Variants in ZRANB3 observed in about 807,000 individuals in gnomAD.
ZRANB3 encodes the protein DNA annealing helicase and endonuclease ZRANB3.
ZRANB3 carries 125 observed loss-of-function variants against 133.8 expected under a neutral mutation model. The ratio of observed to expected loss-of-function variants is 0.93; its 90% CI spans 0.81 to 1.08. The LOEUF (loss-of-function observed/expected upper bound fraction) is 1.08, where lower values mean the gene tolerates loss of function less well. Ranked by LOEUF, ZRANB3 falls within the 50% of genes least tolerant of loss-of-function variation. The probability of loss-of-function intolerance (pLI) is 0.00; values close to 1 mark genes in which losing one functional copy is unlikely to be tolerated. For missense variants in ZRANB3, 1,229 were observed against 1,275.5 expected, an observed-to-expected ratio of 0.96 and a Z score of 0.56; for synonymous variants, 387 against 432.7, an observed-to-expected ratio of 0.89 and a Z score of 1.31.
rs1453818035 is a variant in ZRANB3, at chr2:135,230,851, C to T, written c.1616G>A (p.Cys539Tyr). 5.6e-6 allele frequency: 9 copies of T among 1,609,688 alleles called. 1 individual carries two copies. In the Admixed American group the frequency reaches 1.5e-4, roughly 27 times the overall value. ...CTCCCGGAATCTCTTTGATTCGTCA[C>T]AGGAGGTCATCAACTGTCTTTTTTT... ...QPKKRQLMTSCDESKRFREEN... is the reference protein window; with the variant it reads ...QPKKRQLMTSYDESKRFREEN... Residue 539 changes from cysteine to tyrosine, a missense_variant, in exon 13 of 21, where the codon TGT (cysteine) becomes TAT (tyrosine). Coordinates refer to ENST00000264159, the MANE Select transcript of ZRANB3 (RefSeq NM_032143.4).
chr2:135,217,798 G>A (rs2105051555), intron 16 of ZRANB3, among the ~76,000 whole-genome samples, 191 bp from the exon 17 acceptor site: 1 of 152,202 alleles, frequency 6.6e-6, no homozygotes, highest in East Asian at 1.9e-4. Flanking sequence ...ACCTACAGCA[G>A]TTCTCAAGAG....
At chr2:135,369,473 G>A (rs1686074427) in intron 3 of ZRANB3, among the ~76,000 whole-genome samples, 2 of 152,124 alleles carry the variant, frequency 1.3e-5, no homozygotes, top group Non-Finnish European at 2.9e-5. Flanking sequence ...AACCACTGAT[G>A]AGTAAAATTA....
chr2:135,499,778 A>G (rs940971421), intron 2 of ZRANB3, among the ~76,000 whole-genome samples: 4 of 152,334 alleles, frequency 2.6e-5, no homozygotes, highest in African/African-American at 9.6e-5. Flanking sequence ...GTGAAATTAC[A>G]TTGGAAAATG....
At chr2:135,361,841 A>G (rs1307903116) in intron 3 of ZRANB3, among the ~76,000 whole-genome samples, 1 of 152,198 alleles carries the variant, frequency 6.6e-6, no homozygotes, top group Non-Finnish European at 1.5e-5. Flanking sequence ...TTGTTCTTGT[A>G]CATTGTTAGT....
intron 2 of ZRANB3, among the ~76,000 whole-genome samples, chr2:135,473,844 T>A (rs1037171168): frequency 6.6e-6 from 1 of 152,132 alleles, no homozygotes; most frequent in Non-Finnish European, 1.5e-5. Flanking sequence ...TATAAAAATA[T>A]CACTTTTTAT....
chr2:135,361,132 A>T (rs1241881230), intron 3 of ZRANB3, among the ~76,000 whole-genome samples: 1 of 152,242 alleles, frequency 6.6e-6, no homozygotes, highest in African/African-American at 2.4e-5. Context: ...CAATTATAAA[A>T]GCAACAACAC....
chr2:135,236,696 C>T (rs917575479), intron 12 of ZRANB3, among the ~76,000 whole-genome samples: 7 of 152,060 alleles, frequency 4.6e-5, no homozygotes, highest in African/African-American at 1.4e-4. Flanking sequence ...GGAAAGGATT[C>T]CCTATTTAAT....
At chr2:135,316,967 GAA>G (rs36092486) in intron 6 of ZRANB3, among the ~76,000 whole-genome samples, 4,815 of 98,106 alleles carry the variant, frequency 0.049, 298 homozygotes, top group African/African-American at 0.14. Flanking sequence ...TCCGTCTCGA[GAA>G]AAAAAAAAAA....
At chr2:135,219,304 C>T (rs1409275025) in intron 15 of ZRANB3, 126 bp from the exon 16 acceptor site, 1 of 621,380 alleles carries the variant, frequency 1.6e-6, no homozygotes, top group Non-Finnish European at 2.6e-6. Flanking sequence ...TGAGGTGACA[C>T]ATTCTAGACA....
chr2:135,331,013 A>AT (rs1425798407), intron 6 of ZRANB3, among the ~76,000 whole-genome samples: 1 of 151,988 alleles, frequency 6.6e-6, no homozygotes, highest in African/African-American at 2.4e-5. Context: ...GGATTCATTG[A>AT]TTTTTTGAAT....
At chr2:135,351,945 G>A (rs1685226750) in intron 4 of ZRANB3, among the ~76,000 whole-genome samples, 1 of 152,138 alleles carries the variant, frequency 6.6e-6, no homozygotes, top group Non-Finnish European at 1.5e-5. Flanking sequence ...CTGCAAGAGT[G>A]TATTTTCAAA....
intron 2 of ZRANB3, among the ~76,000 whole-genome samples, chr2:135,485,769 A>G (rs755856826): frequency 3.9e-5 from 6 of 152,240 alleles, no homozygotes; most frequent in Non-Finnish European, 8.8e-5. Context: ...TAAGTATGCA[A>G]TAGCATTATG....
chr2:135,287,659 A>G (rs563130618), intron 8 of ZRANB3, among the ~76,000 whole-genome samples: 3 of 106,396 alleles, frequency 2.8e-5, no homozygotes, highest in East Asian at 5.8e-4. Flanking sequence ...TTGGTTAGGT[A>G]TATTTCTTTC....
At chr2:135,437,097 T>A (rs1689569145) in intron 2 of ZRANB3, among the ~76,000 whole-genome samples, 1 of 152,160 alleles carries the variant, frequency 6.6e-6, no homozygotes, top group African/African-American at 2.4e-5. Context: ...GTAGCTGGGA[T>A]TACAGGTGCC....
chr2:135,512,923 G>C (rs1196730737), intron 1 of ZRANB3, among the ~76,000 whole-genome samples: 3 of 152,122 alleles, frequency 2.0e-5, no homozygotes, highest in Non-Finnish European at 4.4e-5. Context: ...TGATTAAATT[G>C]TAACAGGATA....
chr2:135,378,733 C>T (rs1295345256), intron 3 of ZRANB3, among the ~76,000 whole-genome samples: 3 of 152,150 alleles, frequency 2.0e-5, no homozygotes, highest in African/African-American at 7.2e-5. Flanking sequence ...CACTTCACCT[C>T]TATGGTCTTC....
intron 10 of ZRANB3, among the ~76,000 whole-genome samples, chr2:135,270,698 G>A (rs890170421): frequency 2.0e-5 from 3 of 152,170 alleles, no homozygotes. Context: ...AACTCCCAGA[G>A]AGTTGTGGAA....
chr2:135,492,291 G>T (rs963083201), intron 2 of ZRANB3, among the ~76,000 whole-genome samples: 7 of 152,122 alleles, frequency 4.6e-5, no homozygotes, highest in Admixed American at 6.5e-5. Context: ...ACCTAACCTT[G>T]TAACATAAAA....
At chr2:135,208,579 G>C (rs1693974154) in intron 18 of ZRANB3, among the ~76,000 whole-genome samples, 1 of 152,166 alleles carries the variant, frequency 6.6e-6, no homozygotes, top group Admixed American at 6.5e-5. Flanking sequence ...CAAGATTCGG[G>C]GACAGAGCCC....
Sources: gnomAD v4.1 joint callset for allele counts (sites outside exome capture counted in the v4.1 genomes callset) on GRCh38, gnomAD v4.1.1 for gene constraint, MANE v1.5 for transcripts, NCBI Gene and HGNC (gene_info 2026-07-23, HGNC 2026-07-21) for gene names.